Variants in ANXA4 observed in about 807,000 individuals in gnomAD.
The protein encoded by ANXA4 is 35-beta calcimedin.
Under a neutral mutation model 49.8 loss-of-function variants are expected in ANXA4, and 39 were observed. That is an observed-to-expected ratio of 0.78 (90% CI 0.61 to 1.02). The LOEUF is 1.02. ANXA4 is among the 50% of genes least tolerant of loss of function. ANXA4 has a pLI of 0.00. For synonymous variants in ANXA4, 134 were observed against 152.5 expected (o/e 0.88, Z 0.89); for missense variants, 360 against 410.1 (o/e 0.88, Z 1.05).
intron 3 of ANXA4, among the ~76,000 whole-genome samples, chr2:69,726,921 C>T (rs1051289974): frequency 1.3e-5 from 2 of 152,128 alleles, no homozygotes; most frequent in Non-Finnish European, 2.9e-5. Flanking sequence ...CTTGTTCTGT[C>T]GCCCAGGCTG....
intron 3 of ANXA4, among the ~76,000 whole-genome samples, chr2:69,793,716 G>C (rs1672796998): frequency 6.6e-6 from 1 of 151,982 alleles, no homozygotes; most frequent in African/African-American, 2.4e-5. Context: ...TAATTCCAGG[G>C]GCTCCGAGGA....
intron 3 of ANXA4, among the ~76,000 whole-genome samples, chr2:69,789,806 A>C (rs1399974263): frequency 6.6e-6 from 1 of 152,000 alleles, no homozygotes; most frequent in East Asian, 1.9e-4. Context: ...ATGGACTCTT[A>C]TTCTGTGTTT....
chr2:69,736,901 A>G (rs1670259525), intron 3 of ANXA4, among the ~76,000 whole-genome samples: 1 of 152,172 alleles, frequency 6.6e-6, no homozygotes, highest in African/African-American at 2.4e-5. Context: ...TCCCAGGTTC[A>G]AGTGATTCTC....
upstream of ANXA4, among the ~76,000 whole-genome samples, chr2:69,740,291 G>A (rs986849750): frequency 6.6e-6 from 1 of 151,890 alleles, no homozygotes; most frequent in Non-Finnish European, 1.5e-5. Flanking sequence ...CAACCACCTG[G>A]GCCTCCCAAA....
At chr2:69,701,656 A>G (rs902055702) in intron 2 of ANXA4, among the ~76,000 whole-genome samples, 59 of 152,310 alleles carry the variant, frequency 3.9e-4, no homozygotes, top group African/African-American at 1.3e-3. Flanking sequence ...TTCCCACCAC[A>G]GCAAGTAGGT....
At chr2:69,803,065 G>A (rs1673286529) in intron 3 of ANXA4, among the ~76,000 whole-genome samples, 1 of 151,852 alleles carries the variant, frequency 6.6e-6, no homozygotes, top group Non-Finnish European at 1.5e-5. Flanking sequence ...GCCAGGCATG[G>A]TGGCAGGCAC....
Position 69,793,833 on chromosome 2 carries a change from T to TAA in ANXA4, c.97+5702_97+5703dup, listed in dbSNP as rs796362407. ...GTGCACCAAGAGTGGCAAGACACAG[T>TAA]AAAAAAAAAAAGCAATTCAGTCAAC... is the stretch of plus-strand genomic sequence containing the variant. On this transcript the variant is annotated intron_variant, in intron 3 of 12. Transcript: ENST00000394295. 2.5e-4 allele frequency among the ~76,000 whole-genome samples: 34 copies of TAA among 136,800 alleles called. 1 individual carries two copies. The South Asian group carries it at 7.7e-3, about 31-fold the overall frequency. The allele number at this position is 136,800 out of a possible 152,430, so 89.7% of individuals were successfully genotyped here.
intron 2 of ANXA4, among the ~76,000 whole-genome samples, chr2:69,690,791 C>A (rs1677938239): frequency 6.6e-6 from 1 of 152,162 alleles, no homozygotes; most frequent in African/African-American, 2.4e-5. Flanking sequence ...TCCTGAGTAA[C>A]AAGAGGCCTT....
At chr2:69,731,322 G>C (rs1010269129) in intron 3 of ANXA4, among the ~76,000 whole-genome samples, 1 of 152,180 alleles carries the variant, frequency 6.6e-6, no homozygotes. Context: ...CCATCTGCCA[G>C]ACCTACCCAG....
intron 1 of ANXA4, among the ~76,000 whole-genome samples, chr2:69,777,606 GA>G (rs1047080500): frequency 6.6e-6 from 1 of 152,176 alleles, no homozygotes; most frequent in African/African-American, 2.4e-5. Context: ...TATATGGCCT[GA>G]CTGCATCTTC....
intron 2 of ANXA4, among the ~76,000 whole-genome samples, chr2:69,712,162 A>C (rs988694199): frequency 6.6e-6 from 1 of 151,912 alleles, no homozygotes; most frequent in Non-Finnish European, 1.5e-5. Flanking sequence ...CACACAACCA[A>C]ATGTTCCCCA....
At chr2:69,786,974 C>T (rs1672444306) in intron 2 of ANXA4, among the ~76,000 whole-genome samples, 1 of 152,192 alleles carries the variant, frequency 6.6e-6, no homozygotes, top group African/African-American at 2.4e-5. Flanking sequence ...ATCTGCCTGC[C>T]TCAGCCTCCC....
intron 2 of ANXA4, among the ~76,000 whole-genome samples, chr2:69,697,391 A>T (rs1678192583): frequency 6.6e-6 from 1 of 152,190 alleles, no homozygotes; most frequent in Non-Finnish European, 1.5e-5. Flanking sequence ...TAGGCTTTGG[A>T]TGAAGGGAAT....
At chr2:69,751,920 A>G (rs1332277574) in intron 1 of ANXA4, among the ~76,000 whole-genome samples, 1 of 152,226 alleles carries the variant, frequency 6.6e-6, no homozygotes, top group African/African-American at 2.4e-5. Flanking sequence ...TTCAAGAATG[A>G]AACACACTGA....
At chr2:69,681,856 A>G (rs1290257286) in intron 2 of ANXA4, among the ~76,000 whole-genome samples, 1 of 148,070 alleles carries the variant, frequency 6.8e-6, no homozygotes, top group African/African-American at 2.5e-5. Context: ...TTTTCCTTTG[A>G]GTCAGGGTCT....
intron 2 of ANXA4, among the ~76,000 whole-genome samples, chr2:69,697,363 T>C (rs1302269235): frequency 6.6e-6 from 1 of 152,218 alleles, no homozygotes; most frequent in Non-Finnish European, 1.5e-5. Flanking sequence ...GAAAAGAGTT[T>C]AGTGCCTTGT....
intron 2 of ANXA4, among the ~76,000 whole-genome samples, chr2:69,711,247 T>C (rs113645498): frequency 1.7e-3 from 254 of 152,306 alleles, no homozygotes; most frequent in African/African-American, 6.0e-3. Flanking sequence ...GGAGAACCGC[T>C]TGAACCCAGG....
At chr2:69,724,046 G>A (rs1669892508) in intron 3 of ANXA4, among the ~76,000 whole-genome samples, 1 of 152,228 alleles carries the variant, frequency 6.6e-6, no homozygotes, top group Non-Finnish European at 1.5e-5. Flanking sequence ...CTTGAACCCG[G>A]GAGGCGGAGG....
intron 2 of ANXA4, among the ~76,000 whole-genome samples, chr2:69,667,900 C>T (rs939938278): frequency 6.6e-6 from 1 of 152,230 alleles, no homozygotes; most frequent in Non-Finnish European, 1.5e-5. Flanking sequence ...TGCTTTTCTC[C>T]ATGTGTCTTT....
Sources: gnomAD v4.1 joint callset for allele counts (sites outside exome capture counted in the v4.1 genomes callset) on GRCh38, gnomAD v4.1.1 for gene constraint, MANE v1.5 for transcripts, NCBI Gene and HGNC (gene_info 2026-07-23, HGNC 2026-07-21) for gene names.